NCKAP5: variants seen among roughly 807,000 people sequenced by gnomAD.
NCKAP5 encodes nck-associated protein 5.
A neutral mutation model predicts 167.0 loss-of-function variants in NCKAP5; 92 were observed. The ratio of observed to expected loss-of-function variants is 0.55; its 90% CI spans 0.47 to 0.66. NCKAP5 has a LOEUF of 0.66. Ranked by LOEUF, NCKAP5 falls within the 30% of genes least tolerant of loss-of-function variation. NCKAP5 has a pLI of 0.00. For synonymous variants in NCKAP5, 891 were observed against 877.4 expected, an observed-to-expected ratio of 1.02 and a Z score of -0.27; for missense variants, 2,378 against 2,315.0, an observed-to-expected ratio of 1.03 and a Z score of -0.56.
chr2:133,177,783 C>G (rs1203409457), intron 5 of NCKAP5, among the ~76,000 whole-genome samples: 1 of 152,154 alleles, frequency 6.6e-6, no homozygotes, highest in Non-Finnish European at 1.5e-5. Context: ...GCTCCCCATC[C>G]CCACAATGTA....
intron 8 of NCKAP5, among the ~76,000 whole-genome samples, chr2:132,917,733 G>A (rs1694996249): frequency 2.0e-5 from 3 of 152,210 alleles, no homozygotes; most frequent in African/African-American, 4.8e-5. Context: ...GCTCTTTATT[G>A]AGGCCATCAG....
At chr2:132,842,721 T>A (rs1688379490) in intron 11 of NCKAP5, among the ~76,000 whole-genome samples, 1 of 147,296 alleles carries the variant, frequency 6.8e-6, no homozygotes, top group African/African-American at 2.5e-5. Flanking sequence ...TGATTTTTCT[T>A]TTTCATTTTT....
intron 6 of NCKAP5, among the ~76,000 whole-genome samples, chr2:133,096,106 A>C (rs567903187): frequency 6.6e-6 from 1 of 152,288 alleles, no homozygotes; most frequent in East Asian, 1.9e-4. Flanking sequence ...ACTCCATTAT[A>C]ATAAAAATGG....
chr2:133,288,070 G>A (rs946837542), intron 4 of NCKAP5, among the ~76,000 whole-genome samples: 2 of 152,184 alleles, frequency 1.3e-5, no homozygotes, highest in African/African-American at 4.8e-5. Flanking sequence ...GGAGCTAAGA[G>A]AGTGATGCTA....
chr2:132,716,576 G>C (rs545454922), intron 19 of NCKAP5, among the ~76,000 whole-genome samples: 1 of 152,094 alleles, frequency 6.6e-6, no homozygotes, highest in African/African-American at 2.4e-5. Context: ...ATTTGAACTT[G>C]AGGGGGGTAA....
chr2:133,522,932 C>T (rs1384904699), intron 2 of NCKAP5, among the ~76,000 whole-genome samples: 1 of 152,144 alleles, frequency 6.6e-6, no homozygotes. Flanking sequence ...CTCCTTCCCT[C>T]CGTGGGGAAG....
At chr2:133,063,182 G>C (rs1337718458) in intron 6 of NCKAP5, among the ~76,000 whole-genome samples, 1 of 152,198 alleles carries the variant, frequency 6.6e-6, no homozygotes. Context: ...TGAGTTGCCA[G>C]AAATGTTACT....
the NCKAP5 span, among the ~76,000 whole-genome samples, chr2:133,667,642 C>T: frequency 6.6e-6 from 1 of 152,008 alleles, no homozygotes; most frequent in African/African-American, 2.4e-5. Flanking sequence ...TCTTGATTTA[C>T]AATTGTAAAA....
At chr2:133,256,050 T>C (rs781221202) in intron 4 of NCKAP5, among the ~76,000 whole-genome samples, 1 of 152,172 alleles carries the variant, frequency 6.6e-6, no homozygotes, top group Admixed American at 6.5e-5. Flanking sequence ...GATGGTTAAT[T>C]AAACCCGAAA....
intron 16 of NCKAP5, among the ~76,000 whole-genome samples, chr2:132,741,817 C>T (rs1260708607): frequency 6.6e-6 from 1 of 152,076 alleles, no homozygotes; most frequent in Non-Finnish European, 1.5e-5. Flanking sequence ...TATCCTTGCC[C>T]ATTCTCTAAC....
chr2:132,990,888 C>T (rs1439731893), intron 7 of NCKAP5, among the ~76,000 whole-genome samples: 1 of 152,154 alleles, frequency 6.6e-6, no homozygotes, highest in Non-Finnish European at 1.5e-5. Context: ...GAAACTAATA[C>T]ACTTAGATAA....
At chr2:133,081,839 A>G (rs1267095810) in intron 6 of NCKAP5, among the ~76,000 whole-genome samples, 1 of 152,160 alleles carries the variant, frequency 6.6e-6, no homozygotes, top group African/African-American at 2.4e-5. Flanking sequence ...CCATCAGATT[A>G]CCCAGACATC....
At chr2:133,632,412 A>G in the NCKAP5 span, among the ~76,000 whole-genome samples, 18 of 152,386 alleles carry the variant, frequency 1.2e-4, no homozygotes, top group Middle Eastern at 3.4e-3. Context: ...ATCTGTTAAT[A>G]TTAATGCAGG....
chr2:133,614,003 T>C, the NCKAP5 span, among the ~76,000 whole-genome samples: 9 of 152,174 alleles, frequency 5.9e-5, no homozygotes, highest in African/African-American at 1.9e-4. Flanking sequence ...CAGGCAGGAC[T>C]AGCTTGCAGC....
intron 19 of NCKAP5, among the ~76,000 whole-genome samples, chr2:132,717,734 C>T (rs1003975679): frequency 4.6e-5 from 7 of 152,156 alleles, no homozygotes; most frequent in African/African-American, 7.2e-5. Context: ...TTCCCTGGCT[C>T]TTTGTAATTT....
intron 7 of NCKAP5, among the ~76,000 whole-genome samples, chr2:132,969,330 C>T (rs1002957057): frequency 7.9e-5 from 12 of 152,272 alleles, no homozygotes; most frequent in South Asian, 2.1e-4. Flanking sequence ...ATCCATACTG[C>T]GCCCATCCCC....
the NCKAP5 span, among the ~76,000 whole-genome samples, chr2:133,612,942 G>A: frequency 6.6e-6 from 1 of 152,266 alleles, no homozygotes; most frequent in Non-Finnish European, 1.5e-5. Context: ...AGGAGAAATG[G>A]ATGCTAAAGA....
chr2:133,271,080 C>T (rs1291981165), intron 4 of NCKAP5, among the ~76,000 whole-genome samples: 1 of 145,494 alleles, frequency 6.9e-6, no homozygotes, highest in South Asian at 2.2e-4. Flanking sequence ...CCACCAGGCC[C>T]GGCTAATTTT....
rs562198229 is a variant in NCKAP5 at position 133,179,228 on chromosome 2, T to C, written c.207+34488A>G. 1.9e-3 allele frequency among the ~76,000 whole-genome samples: 284 copies of C among 150,944 alleles called. 1 individual carries two copies. The highest frequency in any genetic ancestry group is 5.9e-3 in the African/African-American group (240 of 40,970). On this transcript the variant is annotated intron_variant, in intron 5 of 19. Transcript: ENST00000409261. ...GGCTTGGAACCAGAATTGTTTCAGA[T>C]TTGGTTTTTTTTTTTTTTTGGATTT...
Sources: allele counts gnomAD v4.1 joint callset (sites outside exome capture counted in the v4.1 genomes callset), GRCh38; gene constraint gnomAD v4.1.1; transcripts MANE v1.5; gene names NCBI Gene and HGNC (gene_info 2026-07-23, HGNC 2026-07-21).